The following NEK1 variants were observed in gnomAD, a reference collection of about 807,000 sequenced individuals.
The protein encoded by NEK1 is NIMA related kinase 1.
Under a neutral mutation model 182.1 loss-of-function variants are expected in NEK1, and 137 were observed. The observed-to-expected ratio is 0.75, with a 90% CI of 0.65 to 0.87. The LOEUF is 0.87. Ranked by LOEUF, NEK1 falls within the 40% of genes least tolerant of loss-of-function variation. The pLI, the probability that NEK1 is intolerant of heterozygous loss-of-function variation, is 0.00. For synonymous variants in NEK1, 513 were observed against 492.2 expected, an observed-to-expected ratio of 1.04 and a Z score of -0.56; for missense variants, 1,391 against 1,494.4, an observed-to-expected ratio of 0.93 and a Z score of 1.14.
intron 27 of NEK1, among the ~76,000 whole-genome samples, chr4:169,446,223 A>C (rs1344776939): frequency 6.6e-6 from 1 of 152,144 alleles, no homozygotes; most frequent in African/African-American, 2.4e-5. Flanking sequence ...TCAAACAGAC[A>C]CTAAAAAAAT....
chr4:169,450,464 G>T (rs1443372283), intron 27 of NEK1, among the ~76,000 whole-genome samples: 1 of 152,200 alleles, frequency 6.6e-6, no homozygotes, highest in Non-Finnish European at 1.5e-5. Flanking sequence ...AAGCCCATCA[G>T]ACTAACAGCA....
At chr4:169,499,584 T>C (rs1295166353) in intron 23 of NEK1, among the ~76,000 whole-genome samples, 3 of 152,088 alleles carry the variant, frequency 2.0e-5, no homozygotes, top group African/African-American at 7.3e-5. Context: ...GGTTTTGGTG[T>C]GGGTGTTCTT....
At chr4:169,542,142 G>T (rs60207859) in intron 18 of NEK1, among the ~76,000 whole-genome samples, 29,703 of 152,014 alleles carry the variant, frequency 0.2, 4,402 homozygotes, top group African/African-American at 0.42. Flanking sequence ...TCTACATTAG[G>T]TGTTTCTCCA....
intron 12 of NEK1, among the ~76,000 whole-genome samples, chr4:169,565,118 T>C (rs1023327408): frequency 5.9e-5 from 9 of 152,206 alleles, no homozygotes; most frequent in Non-Finnish European, 1.3e-4. Flanking sequence ...CCATTTACGT[T>C]ACCACTTTAC....
At chr4:169,473,357 G>A (rs1418587739) in intron 26 of NEK1, among the ~76,000 whole-genome samples, 2 of 151,894 alleles carry the variant, frequency 1.3e-5, no homozygotes, top group African/African-American at 2.4e-5. Context: ...CAAAAGGGGA[G>A]AGGCTGGGCA....
At chr4:169,448,397 G>A (rs1294308241) in intron 27 of NEK1, among the ~76,000 whole-genome samples, 1 of 152,026 alleles carries the variant, frequency 6.6e-6, no homozygotes, top group East Asian at 1.9e-4. Context: ...TGGGTTATAA[G>A]ATAGTATTTA....
intron 2 of NEK1, among the ~76,000 whole-genome samples, chr4:169,607,946 C>T (rs1446660863): frequency 6.6e-6 from 1 of 151,954 alleles, no homozygotes; most frequent in Non-Finnish European, 1.5e-5. Flanking sequence ...AAAACAACAA[C>T]ACACACCGGG....
At chr4:169,591,398 T>G (rs1768488527) in intron 5 of NEK1, among the ~76,000 whole-genome samples, 1 of 152,036 alleles carries the variant, frequency 6.6e-6, no homozygotes. Flanking sequence ...CAGGAGTTCC[T>G]GAGATTCAAG....
intron 19 of NEK1, among the ~76,000 whole-genome samples, chr4:169,531,903 G>A (rs1025286325): frequency 6.6e-6 from 1 of 152,130 alleles, no homozygotes; most frequent in Non-Finnish European, 1.5e-5. Flanking sequence ...CATCAACAGA[G>A]AAATTGAACA....
chr4:169,400,684 T>C, intron 33 of NEK1, 33 bp from the exon 34 acceptor site: 2 of 1,500,274 alleles, frequency 1.3e-6, no homozygotes, highest in East Asian at 4.9e-5. Flanking sequence ...AGATTTGATT[T>C]AAAAAGACTG....
chr4:169,537,460 A>C (rs1333358518), intron 19 of NEK1, among the ~76,000 whole-genome samples: 1 of 152,164 alleles, frequency 6.6e-6, no homozygotes, highest in Non-Finnish European at 1.5e-5. Flanking sequence ...TAAAACCAAA[A>C]GCATATTGGG....
chr4:169,548,633 G>A (rs1304840945), intron 18 of NEK1, among the ~76,000 whole-genome samples: 2 of 152,210 alleles, frequency 1.3e-5, no homozygotes, highest in South Asian at 2.1e-4. Context: ...ACCCTGACTG[G>A]GGCTACTGCC....
intron 26 of NEK1, among the ~76,000 whole-genome samples, chr4:169,464,096 C>CTGA (rs745361168): frequency 3.3e-5 from 5 of 152,154 alleles, no homozygotes; most frequent in Non-Finnish European, 7.4e-5. Context: ...GGTTGTTTGG[C>CTGA]ATCACCATCA....
At chr4:169,445,133 T>C (rs1416598852) in intron 27 of NEK1, among the ~76,000 whole-genome samples, 1 of 151,674 alleles carries the variant, frequency 6.6e-6, no homozygotes, top group East Asian at 1.9e-4. Flanking sequence ...TAAACACCCA[T>C]ATCACAAAAG....
chr4:169,606,088 T>C (rs1280637145), intron 2 of NEK1, among the ~76,000 whole-genome samples: 3 of 151,596 alleles, frequency 2.0e-5, no homozygotes, highest in Non-Finnish European at 2.9e-5. Context: ...AATTAAAAAG[T>C]CAGAAAATAT....
At position 169,408,962 on chromosome 4, in the gene NEK1, ACTT is replaced by A. The variant is rs374122358; in HGVS notation, c.3223-2218_3223-2216del. On this transcript the variant is annotated intron_variant, in intron 31 of 35. Transcript: ENST00000507142. ...GTGTGTGTGTCTTTTTCATATAATGACTTCTTTTCCTTTGGGTAGATACCCAGT... is the reference window on the plus strand; with the variant it reads ...GTGTGTGTGTCTTTTTCATATAATGACTTTTCCTTTGGGTAGATACCCAGT... Among the ~76,000 whole-genome samples the A allele has an allele frequency of 6.4e-3, 980 of 152,066 alleles. 5 individuals are homozygous for A. The highest frequency in any genetic ancestry group is 0.011 in the Non-Finnish European group (770 of 67,982).
chr4:169,426,128 T>C lies in NEK1; in HGVS notation c.2974+18A>G. On this transcript the variant is annotated intron_variant, in intron 30 of 35. Transcript: ENST00000507142. Reference sequence around the variant, plus strand: ...AACATCTTCCAGAAAGTAATTAGACTAATGCAATGATGCTTACCTATATGA... The same window carrying C: ...AACATCTTCCAGAAAGTAATTAGACCAATGCAATGATGCTTACCTATATGA... The C allele has an allele frequency of 1.3e-6, 2 of 1,574,226 alleles. No homozygotes were observed. The highest frequency in any genetic ancestry group is 1.7e-6 in the Non-Finnish European group (2 of 1,144,834).
At chr4:169,453,648 G>A (rs1742276929) in intron 27 of NEK1, among the ~76,000 whole-genome samples, 1 of 152,240 alleles carries the variant, frequency 6.6e-6, no homozygotes, top group Non-Finnish European at 1.5e-5. Context: ...GTGCTTTAAG[G>A]ACATGCTCCT....
rs532227253 is a variant in NEK1, at chr4:169,569,638, C to A, written c.1020+7290G>T. Reference sequence around the variant, plus strand: ...TGCCGAGTGCCTGCGATTGCAGGCGCGCGCCACCACGCCTGACTGGTTTTC... The same window carrying A: ...TGCCGAGTGCCTGCGATTGCAGGCGAGCGCCACCACGCCTGACTGGTTTTC... On this transcript the variant is annotated intron_variant, in intron 12 of 35. Transcript: ENST00000507142. Among the ~76,000 whole-genome samples the A allele has an allele frequency of 1.0e-3, 155 of 151,888 alleles. 4 individuals are homozygous for A. The Middle Eastern group carries it at 0.01, about 10-fold the overall frequency.
Sources: gnomAD v4.1 joint callset for allele counts (sites outside exome capture counted in the v4.1 genomes callset) on GRCh38, gnomAD v4.1.1 for gene constraint, MANE v1.5 for transcripts, NCBI Gene and HGNC (gene_info 2026-07-23, HGNC 2026-07-21) for gene names.